The following SLC16A12 variants were observed in gnomAD, a reference collection of about 807,000 sequenced individuals.
SLC16A12 encodes solute carrier family 16 member 12.
A neutral mutation model predicts 42.4 loss-of-function variants in SLC16A12; 17 were observed. The ratio of observed to expected loss-of-function variants is 0.40; its 90% CI spans 0.27 to 0.60. The LOEUF (loss-of-function observed/expected upper bound fraction) is 0.60. Among genes scored for constraint, SLC16A12 ranks in the 20% least tolerant of loss-of-function variants. SLC16A12 has a pLI of 0.42. For missense variants in SLC16A12, 544 were observed against 623.0 expected (o/e 0.87, Z 1.35); for synonymous variants, 224 against 229.4 (o/e 0.98, Z 0.21).
intron 3 of SLC16A12, among the ~76,000 whole-genome samples, chr10:89,446,470 A>G (rs1842003630): frequency 6.6e-6 from 1 of 152,218 alleles, no homozygotes; most frequent in African/African-American, 2.4e-5. Flanking sequence ...CTTAAAGAAA[A>G]AGAATTTTCA....
chr10:89,490,595 T>C (rs1432790290), intron 2 of SLC16A12, among the ~76,000 whole-genome samples: 2 of 152,144 alleles, frequency 1.3e-5, no homozygotes, highest in Non-Finnish European at 2.9e-5. Context: ...AAGAGAAGCA[T>C]AAGGCAAGGT....
chr10:89,530,604 A>G (rs959165082), intron 2 of SLC16A12, among the ~76,000 whole-genome samples: 4 of 152,052 alleles, frequency 2.6e-5, no homozygotes, highest in Non-Finnish European at 5.9e-5. Context: ...CTTTAGTACT[A>G]GAGACGGGGT....
rs1842753768 is a variant in SLC16A12, at chr10:89,486,642, AGAAAGAAAGAAAGAAAGAAAG to A, written c.-46-24039_-46-24019del. Among the ~76,000 whole-genome samples, 3 of 127,734 alleles carry A rather than the reference AGAAAGAAAGAAAGAAAGAAAG, an allele frequency of 2.3e-5. 1 individual carries two copies. The highest frequency in any genetic ancestry group is 4.8e-4 in the East Asian group (2 of 4,130). The allele number at this position is 127,734 out of a possible 152,430, so 83.8% of individuals were successfully genotyped here. On this transcript the variant is annotated intron_variant, in intron 2 of 7. Transcript: ENST00000371790. The stretch of plus-strand genomic sequence containing the variant: ...AAGAAAGAAAGAAAGAAAGAAAGAA[AGAAAGAAAGAAAGAAAGAAAG>A]AAAAGAAAGAAAGAAAGAAAAGAAA...
At chr10:89,474,427 C>T (rs1393131029) in intron 2 of SLC16A12, among the ~76,000 whole-genome samples, 1 of 152,196 alleles carries the variant, frequency 6.6e-6, no homozygotes, top group Non-Finnish European at 1.5e-5. Flanking sequence ...CTGCCTTCAC[C>T]AGGGAGAACC....
chr10:89,440,336 C>T (rs1440856172), intron 5 of SLC16A12, among the ~76,000 whole-genome samples: 1 of 152,120 alleles, frequency 6.6e-6, no homozygotes. Context: ...CATTGGTCAC[C>T]ATAGCAGCAG....
At chr10:89,452,458 T>C (rs1842109329) in intron 3 of SLC16A12, among the ~76,000 whole-genome samples, 1 of 152,230 alleles carries the variant, frequency 6.6e-6, no homozygotes, top group Non-Finnish European at 1.5e-5. Context: ...TCATTTTCTT[T>C]ACTTAGAATA....
intron 6 of SLC16A12, 48 bp downstream of exon 6, chr10:89,438,556 G>A: frequency 1.3e-6 from 2 of 1,562,806 alleles, no homozygotes; most frequent in South Asian, 2.3e-5. Context: ...GAAACTCAAG[G>A]CTTAAAGTCC....
chr10:89,488,135 C>T (rs1842791557), intron 2 of SLC16A12, among the ~76,000 whole-genome samples: 1 of 151,422 alleles, frequency 6.6e-6, no homozygotes, highest in Non-Finnish European at 1.5e-5. Flanking sequence ...AATCATGTTT[C>T]TGCAGCAACA....
At chr10:89,537,517 C>T (rs917359095), upstream of SLC16A12, among the ~76,000 whole-genome samples, 1 of 152,062 alleles carries the variant, frequency 6.6e-6, no homozygotes, top group Non-Finnish European at 1.5e-5. Flanking sequence ...AATAAATGTT[C>T]AAAACTCACA....
chr10:89,532,165 A>G, intron 2 of SLC16A12, among the ~76,000 whole-genome samples: 2 of 152,350 alleles, frequency 1.3e-5, no homozygotes, highest in South Asian at 4.1e-4. Flanking sequence ...GAATGAGCAC[A>G]CTAATTAAAT....
intron 3 of SLC16A12, among the ~76,000 whole-genome samples, chr10:89,457,199 A>G (rs374707089): frequency 1.2e-4 from 18 of 152,204 alleles, no homozygotes; most frequent in African/African-American, 4.3e-4. Context: ...CAACCTACAG[A>G]ATGGGAAAAA....
At chr10:89,445,117 C>T (rs1314904047) in intron 3 of SLC16A12, among the ~76,000 whole-genome samples, 1 of 152,242 alleles carries the variant, frequency 6.6e-6, no homozygotes, top group East Asian at 1.9e-4. Context: ...GGGTGGAGCC[C>T]ACTGCAGCTC....
chr10:89,552,048 G>A (rs1231937841), intron 2 of SLC16A12, among the ~76,000 whole-genome samples: 1 of 152,136 alleles, frequency 6.6e-6, no homozygotes, highest in Non-Finnish European at 1.5e-5. Context: ...TGATTCTCCT[G>A]CCTCAGCCTC....
chr10:89,524,026 G>T (rs1338442011), intron 2 of SLC16A12, among the ~76,000 whole-genome samples: 1 of 152,180 alleles, frequency 6.6e-6, no homozygotes, highest in Non-Finnish European at 1.5e-5. Flanking sequence ...CCAGACAAGT[G>T]ATTTCAACTG....
intron 5 of SLC16A12, among the ~76,000 whole-genome samples, chr10:89,440,107 T>C (rs6586197): frequency 0.34 from 42,420 of 124,592 alleles, 8,541 homozygotes; most frequent in African/African-American, 0.4. Context: ...AAAAGATCAA[T>C]TTCTATTACT....
At chr10:89,539,857 T>TATC (rs1843700688), upstream of SLC16A12, among the ~76,000 whole-genome samples, 1 of 127,858 alleles carries the variant, frequency 7.8e-6, no homozygotes, top group African/African-American at 3.1e-5. Flanking sequence ...AGAAACAAAT[T>TATC]TTTCTTTCTT....
At chr10:89,528,352 G>C (rs1843488677) in intron 2 of SLC16A12, among the ~76,000 whole-genome samples, 1 of 152,162 alleles carries the variant, frequency 6.6e-6, no homozygotes, top group South Asian at 2.1e-4. Context: ...ACACATTATT[G>C]TTGTAGAGTA....
chr10:89,507,924 C>G (rs1564593583), intron 2 of SLC16A12, among the ~76,000 whole-genome samples: 1 of 152,094 alleles, frequency 6.6e-6, no homozygotes, highest in African/African-American at 2.4e-5. Flanking sequence ...GCAGGGTTTG[C>G]AATCCTAGTC....
intron 2 of SLC16A12, among the ~76,000 whole-genome samples, chr10:89,503,377 G>A (rs1030201631): frequency 3.3e-5 from 5 of 152,158 alleles, no homozygotes; most frequent in African/African-American, 9.7e-5. Context: ...ATCCATAGTT[G>A]CTGTTCCAAT....
Sources: allele counts gnomAD v4.1 joint callset (sites outside exome capture counted in the v4.1 genomes callset), GRCh38; gene constraint gnomAD v4.1.1; transcripts MANE v1.5; gene names NCBI Gene and HGNC (gene_info 2026-07-23, HGNC 2026-07-21).